The following NPAS2 variants were observed in gnomAD, a reference collection of about 807,000 sequenced individuals.
The protein encoded by NPAS2 is neuronal PAS domain-containing protein 2.
Under a neutral mutation model 107.5 loss-of-function variants are expected in NPAS2, and 23 were observed. That is an observed-to-expected ratio of 0.21 (90% CI 0.15 to 0.30). The LOEUF (loss-of-function observed/expected upper bound fraction) is 0.30, where lower values mean the gene tolerates loss of function less well. Ranked by LOEUF, NPAS2 falls within the 10% of genes least tolerant of loss-of-function variation. The pLI is 1.00. For synonymous variants in NPAS2, 403 were observed against 417.5 expected, an observed-to-expected ratio of 0.97 and a Z score of 0.42; for missense variants, 756 against 1,043.3, an observed-to-expected ratio of 0.72 and a Z score of 3.79.
chr2:100,843,846 T>A (rs1013555754), intron 1 of NPAS2, among the ~76,000 whole-genome samples: 6 of 152,184 alleles, frequency 3.9e-5, no homozygotes, highest in South Asian at 4.2e-4. Flanking sequence ...ATCTCACCCA[T>A]CAATCAGTTG....
intron 14 of NPAS2, among the ~76,000 whole-genome samples, chr2:100,975,881 T>G (rs1676961965): frequency 6.6e-6 from 1 of 152,162 alleles, no homozygotes; most frequent in African/African-American, 2.4e-5. Context: ...ACAATTAGGA[T>G]TCTTCTGTTT....
intron 2 of NPAS2, among the ~76,000 whole-genome samples, chr2:100,920,694 G>A (rs1683165809): frequency 6.6e-6 from 1 of 152,242 alleles, no homozygotes. Context: ...ATTGCCAAGG[G>A]AGGTGAATGG....
intron 3 of NPAS2, among the ~76,000 whole-genome samples, chr2:100,930,506 A>G (rs150410429): frequency 4.6e-5 from 7 of 152,358 alleles, no homozygotes; most frequent in Non-Finnish European, 1.0e-4. Context: ...TCCTACAAAA[A>G]TGGCTCTCAG....
At chr2:100,908,214 T>C (rs751774637) in intron 2 of NPAS2, among the ~76,000 whole-genome samples, 6 of 152,118 alleles carry the variant, frequency 3.9e-5, no homozygotes, top group Non-Finnish European at 8.8e-5. Context: ...GGGGTGATAA[T>C]AGTAGCTACT....
intron 5 of NPAS2, among the ~76,000 whole-genome samples, chr2:100,941,469 G>A (rs764685428): frequency 2.0e-5 from 3 of 152,050 alleles, no homozygotes; most frequent in Non-Finnish European, 4.4e-5. Context: ...AGGCTGAGGT[G>A]GGAGAATCGC....
chr2:100,949,772 A>C (rs3820787), intron 7 of NPAS2, among the ~76,000 whole-genome samples: 4 of 151,990 alleles, frequency 2.6e-5, no homozygotes, highest in African/African-American at 4.8e-5. Context: ...GAGAAACAAC[A>C]TACAGGGAAT....
intron 1 of NPAS2, chr2:100,878,094 A>G (rs1321381456): frequency 1.0e-6 from 1 of 985,268 alleles, no homozygotes; most frequent in East Asian, 1.1e-4. Context: ...GCATTCCCCT[A>G]TGTCCACGGA....
chr2:100,834,614 T>C (rs1676945495), intron 1 of NPAS2, among the ~76,000 whole-genome samples: 1 of 152,232 alleles, frequency 6.6e-6, no homozygotes. Flanking sequence ...CAGGGTCAGC[T>C]GCAGGATTTT....
rs565664395 is a variant in NPAS2, at chr2:100,964,971, T to C, written c.800+28T>C. On this transcript the variant is annotated intron_variant, in intron 9 of 20. Transcript: ENST00000335681. ...TTGAGAAAAGAAAAACATATTTGGG[T>C]TGGGCCCTTCTCAAGTCTTGTTTGC... is the stretch of plus-strand genomic sequence containing the variant. The C allele has an allele frequency of 4.7e-6, 7 of 1,475,176 alleles. No individual in the cohort carries two copies. The African/African-American group carries it at 1.0e-4, about 21-fold the overall frequency. The allele number at this position is 1,475,176 out of a possible 1,614,324, so 91.4% of individuals were successfully genotyped here. A position where few individuals can be genotyped will look rare whatever the true frequency, so the allele number is the denominator to read the frequency against.
chr2:100,823,019 G>A (rs974970106), intron 1 of NPAS2, among the ~76,000 whole-genome samples: 2 of 152,170 alleles, frequency 1.3e-5, no homozygotes, highest in African/African-American at 2.4e-5. Flanking sequence ...GTCAGGGACT[G>A]TCACATTTCA....
chr2:100,949,620 ATG>A, intron 7 of NPAS2, 140 bp downstream of exon 7: 1 of 616,304 alleles, frequency 1.6e-6, no homozygotes, highest in South Asian at 1.9e-5. Flanking sequence ...AGTTCCCAGG[ATG>A]TGTTTTTGTG....
intron 1 of NPAS2, among the ~76,000 whole-genome samples, chr2:100,843,221 A>AG: frequency 6.6e-6 from 1 of 151,394 alleles, no homozygotes; most frequent in African/African-American, 2.4e-5. Flanking sequence ...CTGTCTCAAA[A>AG]AAAAAAAAAA....
At chr2:100,839,863 TTCTTCTATAGATAC>T (rs1381227738) in intron 1 of NPAS2, among the ~76,000 whole-genome samples, 1 of 152,240 alleles carries the variant, frequency 6.6e-6, no homozygotes, top group African/African-American at 2.4e-5. Flanking sequence ...GAAGTCCATC[TTCTTCTATAGATAC>T]TCTTAGAACC....
rs1161662239 is a variant in NPAS2 at position 100,976,308 on chromosome 2, T to C, written c.1392+741T>C. Among the ~76,000 whole-genome samples, 2 of 152,064 alleles carry C rather than the reference T, an allele frequency of 1.3e-5. No individual in the cohort carries two copies. Among genetic ancestry groups the C allele is most frequent in the Non-Finnish European group, 2.9e-5 (2 of 68,020 alleles). On this transcript the variant is annotated intron_variant, in intron 14 of 20. Coordinates refer to ENST00000335681, the MANE Select transcript of NPAS2 (RefSeq NM_002518.4). This position sits in a 1 kb window ranked among gnomAD's most constrained non-coding sequence, Gnocchi z 4.1. ...TCAGCTGAGGCCATCCGTCATTGAC[T>C]TGCATGGGCCTCTCAAGCCTTAGGC... is the stretch of plus-strand genomic sequence containing the variant.
chr2:100,974,735 T>G, intron 12 of NPAS2, 68 bp from the exon 13 acceptor site: 2 of 1,537,568 alleles, frequency 1.3e-6, no homozygotes, highest in Non-Finnish European at 1.8e-6. Flanking sequence ...TATTTAGAAC[T>G]AAAGTCACGC....
chr2:100,979,502 A>ATATATATATT (rs1403246843), intron 15 of NPAS2, among the ~76,000 whole-genome samples: 20 of 43,332 alleles, frequency 4.6e-4, no homozygotes, highest in African/African-American at 1.9e-3. Context: ...ATATATATAT[A>ATATATATATT]TTTTTTTTTT....
chr2:100,848,972 G>A (rs1014031856), intron 1 of NPAS2, among the ~76,000 whole-genome samples: 19 of 152,232 alleles, frequency 1.2e-4, no homozygotes, highest in African/African-American at 3.4e-4. Context: ...GCCAGCACAC[G>A]GGGCAGATGC....
intron 1 of NPAS2, 115 bp from the exon 2 acceptor site, chr2:100,904,618 T>G: frequency 2.7e-6 from 2 of 735,904 alleles, no homozygotes; most frequent in Non-Finnish European, 4.5e-6. Flanking sequence ...GACCAACAAG[T>G]TTGAGAACCA....
At chr2:100,887,737 G>T (rs2104674210) in intron 1 of NPAS2, among the ~76,000 whole-genome samples, 1 of 151,346 alleles carries the variant, frequency 6.6e-6, no homozygotes, top group East Asian at 2.0e-4. Flanking sequence ...CTCTTACCCG[G>T]GTCCCCTGTC....
Sources: allele counts gnomAD v4.1 joint callset (sites outside exome capture counted in the v4.1 genomes callset), GRCh38; gene constraint gnomAD v4.1.1; non-coding constraint Gnocchi (gnomAD v3.1); transcripts MANE v1.5; gene names NCBI Gene and HGNC (gene_info 2026-07-23, HGNC 2026-07-21).